Variants in CHKA observed in about 807,000 individuals in gnomAD.
CHKA encodes choline kinase alpha.
CHKA carries 34 observed loss-of-function variants against 60.1 expected under a neutral mutation model. The observed-to-expected ratio is 0.57, with a 90% CI of 0.43 to 0.75. CHKA has a LOEUF of 0.75. Among genes scored for constraint, CHKA ranks in the 30% least tolerant of loss-of-function variants. CHKA has a pLI of 0.00. For missense variants in CHKA, 563 were observed against 561.3 expected, an observed-to-expected ratio of 1.00 and a Z score of -0.03; for synonymous variants, 217 against 223.1, an observed-to-expected ratio of 0.97 and a Z score of 0.24.
chr11:68,116,960 T>C lies in CHKA; in HGVS notation c.350+3868A>G, dbSNP rs1590889457. On this transcript the variant is annotated intron_variant, in intron 1 of 11. Transcript: ENST00000265689. ...CAAAGAGGCCAACTTAAGCTAAAAA[T>C]GACAATTTCTACACTTATCCAGTTC... Among the ~76,000 whole-genome samples, 11 of 152,272 alleles carry C rather than the reference T, an allele frequency of 7.2e-5. 1 individual carries two copies. The South Asian group carries it at 2.3e-3, about 32-fold the overall frequency.
chr11:68,059,262 GA>G (rs1469951851), intron 11 of CHKA, among the ~76,000 whole-genome samples: 4 of 152,094 alleles, frequency 2.6e-5, no homozygotes, highest in Non-Finnish European at 4.4e-5. Context: ...AGTTTGCTGA[GA>G]TTTTTTTTTA....
At chr11:68,116,876 TTTCCCTATACC>T in intron 1 of CHKA, among the ~76,000 whole-genome samples, 1 of 152,308 alleles carries the variant, frequency 6.6e-6, no homozygotes, top group Middle Eastern at 3.4e-3. Flanking sequence ...AATTTTTATT[TTTCCCTATACC>T]ACTCATAGTT....
chr11:68,115,609 G>C (rs1858354021), intron 1 of CHKA, among the ~76,000 whole-genome samples: 1 of 152,156 alleles, frequency 6.6e-6, no homozygotes, highest in African/African-American at 2.4e-5. Context: ...GGTGGCTGAG[G>C]CAGGAGGGAC....
At chr11:68,062,697 C>G (rs1264105521) in intron 10 of CHKA, among the ~76,000 whole-genome samples, 2 of 152,218 alleles carry the variant, frequency 1.3e-5, no homozygotes, top group African/African-American at 2.4e-5. Flanking sequence ...CAACCCTACT[C>G]TCTGTTCATC....
At chr11:68,070,017 A>C (rs548598686) in intron 6 of CHKA, among the ~76,000 whole-genome samples, 172 bp downstream of exon 6, 1 of 152,334 alleles carries the variant, frequency 6.6e-6, no homozygotes, top group Non-Finnish European at 1.5e-5. Flanking sequence ...TAGAGTCCAT[A>C]ATCTCTAGTC....
intron 1 of CHKA, among the ~76,000 whole-genome samples, chr11:68,118,536 G>A (rs1259684690): frequency 6.6e-6 from 1 of 152,144 alleles, no homozygotes; most frequent in East Asian, 1.9e-4. Flanking sequence ...GAGAATCACT[G>A]AATTTCAACC....
At chr11:68,064,687 T>C (rs1856381157) in intron 9 of CHKA, 56 bp from the exon 10 acceptor site, 9 of 1,004,590 alleles carry the variant, frequency 9.0e-6, no homozygotes, top group Non-Finnish European at 1.2e-5. Context: ...ACAATGTCAA[T>C]AGCTGTCACT....
In CHKA at chr11:68,053,962, T is replaced by TG; in HGVS notation, c.*25dup. 1 of 1,607,454 alleles carries TG rather than the reference T, an allele frequency of 6.2e-7. No homozygotes were observed. The highest frequency in any genetic ancestry group is 8.5e-7 in the Non-Finnish European group (1 of 1,174,790). On this transcript the variant is annotated 3_prime_UTR_variant, in exon 12 of 12. Transcript: ENST00000265689. ...GCTGCCTCCCCATGCAGTCCAGTGATGAGGTGGATGGAGTCCTCCCCACAG... is the reference window on the plus strand; with the variant it reads ...GCTGCCTCCCCATGCAGTCCAGTGATGGAGGTGGATGGAGTCCTCCCCACAG...
chr11:68,096,121 T>C (rs943623504), intron 2 of CHKA, among the ~76,000 whole-genome samples: 12 of 151,578 alleles, frequency 7.9e-5, no homozygotes, highest in Admixed American at 4.0e-4. Flanking sequence ...CCCAGCACTT[T>C]GGGGGACCAC....
intron 2 of CHKA, among the ~76,000 whole-genome samples, chr11:68,096,660 A>G (rs1367500533): frequency 3.9e-5 from 6 of 152,318 alleles, no homozygotes; most frequent in Middle Eastern, 3.4e-3. Flanking sequence ...TTATAAAAAC[A>G]ATACCTTCTC....
intron 2 of CHKA, 100 bp from the exon 3 acceptor site, chr11:68,081,557 C>T: frequency 1.1e-6 from 1 of 939,124 alleles, no homozygotes; most frequent in Non-Finnish European, 1.7e-6. Flanking sequence ...CAAAACATCA[C>T]AGGTCTTTAA....
chr11:68,061,102 T>G (rs984510662), intron 11 of CHKA, among the ~76,000 whole-genome samples: 10 of 138,716 alleles, frequency 7.2e-5, no homozygotes, highest in Admixed American at 1.4e-4. Context: ...ACAGTTTTTT[T>G]TTTTTTTTTT....
At chr11:68,060,646 C>T (rs1050415393) in intron 11 of CHKA, among the ~76,000 whole-genome samples, 2 of 152,204 alleles carry the variant, frequency 1.3e-5, no homozygotes, top group African/African-American at 4.8e-5. Flanking sequence ...CTGCCATTTT[C>T]TTCTTTCACT....
At chr11:68,063,599 T>A (rs1856330020) in intron 10 of CHKA, among the ~76,000 whole-genome samples, 1 of 152,178 alleles carries the variant, frequency 6.6e-6, no homozygotes, top group African/African-American at 2.4e-5. Flanking sequence ...TGACCCTTCT[T>A]GGACATGGGA....
chr11:68,104,444 T>C (rs534428561), intron 1 of CHKA, among the ~76,000 whole-genome samples: 92 of 152,200 alleles, frequency 6.0e-4, no homozygotes, highest in Admixed American at 2.0e-3. Flanking sequence ...TTTTTGAGAC[T>C]GAGTTTTGCT....
chr11:68,087,338 C>T (rs546373261), intron 2 of CHKA, among the ~76,000 whole-genome samples: 339 of 151,894 alleles, frequency 2.2e-3, no homozygotes, highest in Admixed American at 4.7e-3. Flanking sequence ...AAAAATTAGC[C>T]GGGTCTGGTG....
chr11:68,073,040 A>G (rs1436781669), intron 4 of CHKA, among the ~76,000 whole-genome samples: 1 of 152,222 alleles, frequency 6.6e-6, no homozygotes, highest in Non-Finnish European at 1.5e-5. Flanking sequence ...GAGCATAGAT[A>G]GAACTTAAGA....
At chr11:68,091,071 C>T (rs201402108) in intron 2 of CHKA, among the ~76,000 whole-genome samples, 1 of 152,120 alleles carries the variant, frequency 6.6e-6, no homozygotes, top group South Asian at 2.1e-4. Flanking sequence ...TGCTACTGGA[C>T]GTTGCAGAGC....
At chr11:68,075,152 T>C (rs1856747394) in intron 3 of CHKA, among the ~76,000 whole-genome samples, 1 of 152,166 alleles carries the variant, frequency 6.6e-6, no homozygotes, top group Admixed American at 6.6e-5. Context: ...GCAACCTATA[T>C]AGGAGTCTCA....
Sources: allele counts gnomAD v4.1 joint callset (sites outside exome capture counted in the v4.1 genomes callset), GRCh38; gene constraint gnomAD v4.1.1; transcripts MANE v1.5; gene names NCBI Gene and HGNC (gene_info 2026-07-23, HGNC 2026-07-21).